The following ARRDC5 variants were observed in gnomAD, a reference collection of about 807,000 sequenced individuals.
The protein encoded by ARRDC5 is arrestin domain containing 5.
A neutral mutation model predicts 13.3 loss-of-function variants in ARRDC5; 12 were observed. That is an observed-to-expected ratio of 0.90 (90% CI 0.58 to 1.46). The LOEUF is 1.46. Ranked by LOEUF, ARRDC5 falls within the 40% of genes most tolerant of loss-of-function variation. The pLI, the probability that ARRDC5 is intolerant of heterozygous loss-of-function variation, is 0.00. For synonymous variants in ARRDC5, 181 were observed against 173.4 expected, an observed-to-expected ratio of 1.04 and a Z score of -0.34; for missense variants, 406 against 418.7, an observed-to-expected ratio of 0.97 and a Z score of 0.26.
At chr19:4,901,395 C>T (rs2031907583) in intron 1 of ARRDC5, among the ~76,000 whole-genome samples, 1 of 152,086 alleles carries the variant, frequency 6.6e-6, no homozygotes, top group Non-Finnish European at 1.5e-5. Context: ...GTGGGCGAAT[C>T]ACGAGGTCAG....
chr19:4,904,385 T>C (rs1236861526), upstream of ARRDC5, among the ~76,000 whole-genome samples: 1 of 152,164 alleles, frequency 6.6e-6, no homozygotes, highest in African/African-American at 2.4e-5. Flanking sequence ...TTCATCATGT[T>C]AGCCAGGATG....
chr19:4,902,543 G>A, intron 1 of ARRDC5, 30 bp downstream of exon 1: 1 of 1,606,866 alleles, frequency 6.2e-7, no homozygotes, highest in African/African-American at 1.3e-5. Flanking sequence ...TCCTGTCATG[G>A]CTAGGGGTGG....
At chr19:4,903,488 TTTTGGTATTTTTATTTA>T (rs2031991653), upstream of ARRDC5, 1 of 152,108 alleles carries the variant, frequency 6.6e-6, no homozygotes, top group South Asian at 2.1e-4. Flanking sequence ...GCTAATTTTT[TTTTGGTATTTTTATTTA>T]TTTTATTTTT....
chr19:4,896,126 C>G (rs916480242), intron 2 of ARRDC5, among the ~76,000 whole-genome samples: 1 of 151,910 alleles, frequency 6.6e-6, no homozygotes, highest in Non-Finnish European at 1.5e-5. Context: ...ACCAGCCTTG[C>G]CAACATGGCG....
chr19:4,911,158 C>A, the ARRDC5 span: 1 of 973,126 alleles, frequency 1.0e-6, no homozygotes, highest in Non-Finnish European at 1.5e-6. Flanking sequence ...GGTCCCACTT[C>A]ATCTCTCCCG....
chr19:4,912,201 G>A, the ARRDC5 span, among the ~76,000 whole-genome samples: 1 of 152,192 alleles, frequency 6.6e-6, no homozygotes, highest in African/African-American at 2.4e-5. Flanking sequence ...GGAGTTGACG[G>A]TGCAAGCCGC....
At chr19:4,913,904 TG>T in the ARRDC5 span, among the ~76,000 whole-genome samples, 1 of 144,662 alleles carries the variant, frequency 6.9e-6, no homozygotes, top group Non-Finnish European at 1.5e-5. Context: ...CTCCACCTCC[TG>T]GGTTCCAGCG....
At chr19:4,911,750 T>C in the ARRDC5 span, among the ~76,000 whole-genome samples, 1 of 152,106 alleles carries the variant, frequency 6.6e-6, no homozygotes, top group Admixed American at 6.6e-5. Context: ...GGTGCTACTT[T>C]GGTTGGTGTT....
chr19:4,909,185 C>T, the ARRDC5 span: 3 of 405,446 alleles, frequency 7.4e-6, no homozygotes, highest in African/African-American at 6.3e-5. Flanking sequence ...GGGCTGCGAA[C>T]GGACTTGGAC....
chr19:4,904,005 C>A (rs2032005229), upstream of ARRDC5, among the ~76,000 whole-genome samples: 1 of 151,832 alleles, frequency 6.6e-6, no homozygotes, highest in Admixed American at 6.6e-5. Context: ...GAGGTGGAAT[C>A]TCACTCTGTT....
chr19:4,898,243 T>G lies in ARRDC5; in HGVS notation c.254-1367A>C, dbSNP rs79292346. 2.7e-3 allele frequency among the ~76,000 whole-genome samples: 418 copies of G among 152,318 alleles called. 1 individual carries two copies. The highest frequency in any genetic ancestry group is 4.6e-3 in the Non-Finnish European group (316 of 68,034). ...TCTAGGAAGCAGACTCTCACACAAC[T>G]GCCATTTCCATGACCTTTGTTTCAT... is the stretch of plus-strand genomic sequence containing the variant. On this transcript the variant is annotated intron_variant, in intron 1 of 2. Coordinates refer to ENST00000650722, the MANE Select transcript of ARRDC5 (RefSeq NM_001080523.3).
the ARRDC5 span, chr19:4,909,586 C>A: frequency 1.5e-6 from 1 of 652,090 alleles, no homozygotes; most frequent in South Asian, 1.6e-5. Context: ...GGGCCACGCA[C>A]GCGGTTTCAT....
chr19:4,894,147 C>A (rs1420852896), intron 2 of ARRDC5, among the ~76,000 whole-genome samples: 2 of 148,982 alleles, frequency 1.3e-5, no homozygotes, highest in Non-Finnish European at 3.0e-5. Context: ...GAGGCTGATG[C>A]GGGTGGATCA....
chr19:4,902,820 A>G lies in ARRDC5; in HGVS notation c.6T>C (p.Ser2=), dbSNP rs1299734820. Residue 2 remains serine (S), a synonymous_variant, in exon 1 of 3, where the codon TCT becomes TCC. Coordinates refer to ENST00000650722, the MANE Select transcript of ARRDC5 (RefSeq NM_001080523.3). ...GCACTAATTCGATCGACTTCACCAC[A>G]GACATGGGGGGTTGGGGGGTAGAGA... The part of the protein sequence containing the change: M[S]VVKSIELVLP... The G allele has an allele frequency of 1.9e-6, 3 of 1,613,730 alleles. No individual in the cohort carries two copies. Among genetic ancestry groups the G allele is most frequent in the African/African-American group, 2.7e-5 (2 of 74,886 alleles).
the ARRDC5 span, among the ~76,000 whole-genome samples, chr19:4,915,382 C>T: frequency 2.6e-5 from 4 of 152,164 alleles, no homozygotes; most frequent in East Asian, 3.9e-4. Context: ...ATCTGTAAAC[C>T]GGTGGGCGTG....
intron 1 of ARRDC5, among the ~76,000 whole-genome samples, chr19:4,898,229 G>A (rs2146253132): frequency 6.6e-6 from 1 of 152,282 alleles, no homozygotes; most frequent in Non-Finnish European, 1.5e-5. Context: ...CTAGGAAGCA[G>A]ACTCTCACAC....
intron 2 of ARRDC5, among the ~76,000 whole-genome samples, chr19:4,896,361 T>TTTTACACACACAC (rs761253103): frequency 2.4e-5 from 2 of 84,988 alleles, no homozygotes; most frequent in African/African-American, 1.1e-4. Context: ...TTTTTTTTTT[T>TTTTACACACACAC]ACACACACAC....
chr19:4,902,918 C>T (rs2031974306), upstream of ARRDC5: 1 of 1,585,656 alleles, frequency 6.3e-7, no homozygotes, highest in African/African-American at 1.3e-5. Flanking sequence ...CCATCTATGA[C>T]ATCACTCAGC....
intron 2 of ARRDC5, among the ~76,000 whole-genome samples, chr19:4,893,099 C>T (rs2031566231): frequency 7.8e-6 from 1 of 128,802 alleles, no homozygotes; most frequent in South Asian, 2.4e-4. Context: ...AAGACTCCGT[C>T]TCAAAAATAA....
Sources: gnomAD v4.1 joint callset for allele counts (sites outside exome capture counted in the v4.1 genomes callset) on GRCh38, gnomAD v4.1.1 for gene constraint, MANE v1.5 for transcripts, NCBI Gene and HGNC (gene_info 2026-07-23, HGNC 2026-07-21) for gene names.